The following OPCML variants were observed in gnomAD, a reference collection of about 807,000 sequenced individuals.
OPCML encodes opioid-binding protein/cell adhesion molecule.
OPCML carries 13 observed loss-of-function variants against 37.8 expected under a neutral mutation model. The ratio of observed to expected loss-of-function variants is 0.34; its 90% CI spans 0.22 to 0.55. The LOEUF (loss-of-function observed/expected upper bound fraction) is 0.55, where lower values mean the gene tolerates loss of function less well. Among genes scored for constraint, OPCML ranks in the 20% least tolerant of loss-of-function variants. The pLI is 0.91. For synonymous variants in OPCML, 176 were observed against 168.8 expected, an observed-to-expected ratio of 1.04 and a Z score of -0.33; for missense variants, 341 against 435.6, an observed-to-expected ratio of 0.78 and a Z score of 1.93.
At chr11:132,567,102 G>A (rs2096425270) in intron 3 of OPCML, among the ~76,000 whole-genome samples, 1 of 151,996 alleles carries the variant, frequency 6.6e-6, no homozygotes, top group African/African-American at 2.4e-5. Flanking sequence ...CATGCATTGG[G>A]AGCAGGAACA....
chr11:132,906,938 AT>A (rs972159188), intron 2 of OPCML, among the ~76,000 whole-genome samples: 26 of 152,212 alleles, frequency 1.7e-4, no homozygotes, highest in African/African-American at 5.8e-4. Context: ...AAAGACATCC[AT>A]GTTTATTTAG....
intron 4 of OPCML, among the ~76,000 whole-genome samples, chr11:132,461,016 G>A (rs1478223258): frequency 6.6e-6 from 1 of 152,126 alleles, no homozygotes; most frequent in Non-Finnish European, 1.5e-5. Flanking sequence ...TTTATAGATG[G>A]GCAGTAGGGC....
chr11:132,682,061 G>A (rs1373345890), intron 2 of OPCML, among the ~76,000 whole-genome samples: 3 of 152,152 alleles, frequency 2.0e-5, no homozygotes, highest in Admixed American at 6.5e-5. Flanking sequence ...TGCCCTCTGG[G>A]GCTTCAGGGG....
At chr11:132,786,411 A>T (rs1308239772) in intron 2 of OPCML, among the ~76,000 whole-genome samples, 1 of 152,208 alleles carries the variant, frequency 6.6e-6, no homozygotes, top group East Asian at 1.9e-4. Flanking sequence ...GCCGTAGATA[A>T]CTTTTGGATA....
intron 1 of OPCML, among the ~76,000 whole-genome samples, chr11:133,122,472 G>T (rs1949437020): frequency 6.6e-6 from 1 of 152,078 alleles, no homozygotes; most frequent in Non-Finnish European, 1.5e-5. Context: ...AAGTTGTCAG[G>T]CACTTCTGGG....
intron 1 of OPCML, among the ~76,000 whole-genome samples, chr11:133,527,609 C>T (rs1399653605): frequency 3.3e-5 from 5 of 152,164 alleles, no homozygotes; most frequent in African/African-American, 1.2e-4. Flanking sequence ...ATGCGAGTTG[C>T]CTTCTCTCTT....
rs149648401 is a variant in OPCML at position 133,339,092 on chromosome 11, C to T, written c.61+193172G>A. On this transcript the variant is annotated intron_variant, in intron 1 of 7. Transcript: ENST00000524381. The stretch of plus-strand genomic sequence containing the variant: ...AAATACAACTTTTATCTCCTACTCC[C>T]GCATTAAGCTATTAATACAACTCTA... Among the ~76,000 whole-genome samples, 18 of 152,240 alleles carry T rather than the reference C, an allele frequency of 1.2e-4. No individual in the cohort carries two copies. In the East Asian group the frequency reaches 1.5e-3, roughly 13 times the overall value.
intron 4 of OPCML, among the ~76,000 whole-genome samples, chr11:132,470,220 A>G (rs1247800107): frequency 6.6e-6 from 1 of 152,150 alleles, no homozygotes; most frequent in Non-Finnish European, 1.5e-5. Context: ...TTAAGGCAGG[A>G]AGCACCAGTG....
intron 1 of OPCML, among the ~76,000 whole-genome samples, chr11:133,448,200 T>A (rs1946509470): frequency 6.6e-6 from 1 of 152,252 alleles, no homozygotes. Context: ...CTATTTCTAA[T>A]TGTTTTTTAT....
chr11:132,664,196 T>G (rs995108065), intron 2 of OPCML, among the ~76,000 whole-genome samples: 5 of 152,210 alleles, frequency 3.3e-5, no homozygotes. Flanking sequence ...TTTCAGAAGT[T>G]ACAGTCATAT....
chr11:133,082,714 C>A (rs1948752214), intron 1 of OPCML, among the ~76,000 whole-genome samples: 1 of 141,644 alleles, frequency 7.1e-6, no homozygotes, highest in African/African-American at 2.6e-5. Context: ...GCTCAAGGCC[C>A]CTCTGGAGAC....
intron 1 of OPCML, among the ~76,000 whole-genome samples, chr11:133,008,634 A>T (rs1189563589): frequency 1.3e-5 from 2 of 152,196 alleles, no homozygotes; most frequent in Non-Finnish European, 2.9e-5. Context: ...GACTAGGGCT[A>T]TATGGGAGTG....
At chr11:133,149,648 A>G (rs145963785) in intron 1 of OPCML, among the ~76,000 whole-genome samples, 2,355 of 152,266 alleles carry the variant, frequency 0.015, 18 homozygotes, top group Non-Finnish European at 0.024. Flanking sequence ...GGCTGTGGAA[A>G]CTTTGTCCAA....
At chr11:132,446,103 C>CTTTTTTTTTTTTTT (rs58784534) in intron 4 of OPCML, among the ~76,000 whole-genome samples, 2 of 48,516 alleles carry the variant, frequency 4.1e-5, no homozygotes, top group African/African-American at 9.0e-5. Flanking sequence ...CTGCTTGTGT[C>CTTTTTTTTTTTTTT]TTTTTTTTTT....
chr11:132,524,672 A>T (rs2096303397), intron 4 of OPCML, among the ~76,000 whole-genome samples: 2 of 152,194 alleles, frequency 1.3e-5, no homozygotes, highest in African/African-American at 4.8e-5. Flanking sequence ...AAAGTGAGGC[A>T]TGTGTCCTCA....
At chr11:132,481,215 G>A (rs1435175634) in intron 4 of OPCML, among the ~76,000 whole-genome samples, 3 of 152,092 alleles carry the variant, frequency 2.0e-5, no homozygotes, top group Non-Finnish European at 4.4e-5. Context: ...TCAAAATAAA[G>A]GGATGGAGGA....
intron 1 of OPCML, among the ~76,000 whole-genome samples, chr11:133,328,058 TA>T (rs1943520462): frequency 6.6e-6 from 1 of 152,120 alleles, no homozygotes; most frequent in African/African-American, 2.4e-5. Context: ...AAAAGACGGC[TA>T]AAAACTGAAA....
At chr11:133,513,004 C>T (rs1011949059) in intron 1 of OPCML, among the ~76,000 whole-genome samples, 2 of 152,142 alleles carry the variant, frequency 1.3e-5, no homozygotes, top group African/African-American at 4.8e-5. Flanking sequence ...GCACACTCTA[C>T]AATTAAAACA....
intron 1 of OPCML, among the ~76,000 whole-genome samples, chr11:133,051,066 C>T (rs931557940): frequency 6.6e-6 from 1 of 151,496 alleles, no homozygotes; most frequent in African/African-American, 2.4e-5. Flanking sequence ...CATACACACA[C>T]ACACACACAC....
Sources: allele counts gnomAD v4.1 joint callset (sites outside exome capture counted in the v4.1 genomes callset), GRCh38; gene constraint gnomAD v4.1.1; transcripts MANE v1.5; gene names NCBI Gene and HGNC (gene_info 2026-07-23, HGNC 2026-07-21).